Variants in SPECC1L observed in about 807,000 individuals in gnomAD.
SPECC1L encodes the protein sperm antigen with calponin homology and coiled-coil domains 1 like, also known as cytospin-A.
Under a neutral mutation model 116.8 loss-of-function variants are expected in SPECC1L, and 40 were observed. That is an observed-to-expected ratio of 0.34 (90% confidence interval 0.27 to 0.45). The LOEUF (loss-of-function observed/expected upper bound fraction) is 0.45, where lower values mean the gene tolerates loss of function less well. SPECC1L is among the 20% of genes least tolerant of loss of function. The pLI is 1.00. For missense variants in SPECC1L, 1,110 were observed against 1,373.6 expected, an observed-to-expected ratio of 0.81 and a Z score of 3.03; for synonymous variants, 504 against 500.6, an observed-to-expected ratio of 1.01 and a Z score of -0.09.
At chr22:24,379,688 C>T (rs192591668) in intron 14 of SPECC1L, among the ~76,000 whole-genome samples, 36 of 152,296 alleles carry the variant, frequency 2.4e-4, no homozygotes, top group Admixed American at 1.6e-3. Context: ...TCTCTGCTTT[C>T]TCATTTCCTA....
rs546636477 is a variant in SPECC1L, at chr22:24,412,409, G to C, written c.3205-239G>C. ...GCGGCAGAAGTAGGATTCTTCAGGAGTGAGGAAAGAACGGGTGTTGGTGGG... is the reference window on the plus strand; with the variant it reads ...GCGGCAGAAGTAGGATTCTTCAGGACTGAGGAAAGAACGGGTGTTGGTGGG... On this transcript the variant is annotated intron_variant, in intron 15 of 16. Coordinates refer to ENST00000314328, the MANE Select transcript of SPECC1L (RefSeq NM_015330.6). 115 of 604,976 alleles carry C rather than the reference G, an allele frequency of 1.9e-4. No individual in the cohort carries two copies. The African/African-American group carries it at 2.0e-3, about 10-fold the overall frequency. The allele number at this position is 604,976 out of a possible 1,614,324, so 37.5% of individuals were successfully genotyped here.
intron 3 of SPECC1L, among the ~76,000 whole-genome samples, chr22:24,303,796 G>A (rs772541673): frequency 6.6e-6 from 1 of 151,860 alleles, no homozygotes; most frequent in Non-Finnish European, 1.5e-5. Flanking sequence ...GCCAGCACAT[G>A]CCAGCTGTCC....
chr22:24,355,445 AC>A (rs1385595619), intron 11 of SPECC1L, among the ~76,000 whole-genome samples: 9 of 146,822 alleles, frequency 6.1e-5, no homozygotes, highest in Non-Finnish European at 1.3e-4. Flanking sequence ...CTGTCTGTCT[AC>A]CTACCTATCC....
intron 11 of SPECC1L, among the ~76,000 whole-genome samples, chr22:24,361,829 C>T (rs1024844693): frequency 3.6e-5 from 5 of 137,878 alleles, no homozygotes; most frequent in African/African-American, 1.1e-4. Context: ...AAACAAAAAA[C>T]GAGAGAGAGA....
chr22:24,290,463 CTG>C (rs2049136699), intron 2 of SPECC1L, among the ~76,000 whole-genome samples: 2 of 152,196 alleles, frequency 1.3e-5, no homozygotes, highest in Non-Finnish European at 2.9e-5. Flanking sequence ...AGTATAAAAT[CTG>C]TCTTTAAAAA....
At chr22:24,310,503 T>C (rs932559629) in intron 3 of SPECC1L, among the ~76,000 whole-genome samples, 1 of 152,194 alleles carries the variant, frequency 6.6e-6, no homozygotes, top group African/African-American at 2.4e-5. Flanking sequence ...TGTTTCCCCA[T>C]ATTCTTTCCA....
intron 14 of SPECC1L, among the ~76,000 whole-genome samples, chr22:24,370,264 A>G (rs2041847100): frequency 6.6e-6 from 1 of 152,264 alleles, no homozygotes. Flanking sequence ...AGAGCCAAGC[A>G]TATTGCAGTG....
At chr22:24,340,428 T>C (rs1601580233) in intron 10 of SPECC1L, among the ~76,000 whole-genome samples, 1 of 152,210 alleles carries the variant, frequency 6.6e-6, no homozygotes, top group Non-Finnish European at 1.5e-5. Context: ...ATTACAGGCG[T>C]GAGCCACTGT....
At chr22:24,398,675 C>G (rs1186503636) in intron 14 of SPECC1L, among the ~76,000 whole-genome samples, 2 of 152,172 alleles carry the variant, frequency 1.3e-5, no homozygotes, top group African/African-American at 4.8e-5. Flanking sequence ...ACATTCATCT[C>G]TCTGAGCCTG....
intron 14 of SPECC1L, among the ~76,000 whole-genome samples, chr22:24,371,151 G>A (rs2041863420): frequency 6.6e-6 from 1 of 152,132 alleles, no homozygotes; most frequent in Admixed American, 6.5e-5. Context: ...TAGAAAACCA[G>A]CAAGGGAATA....
chr22:24,378,988 G>T (rs148707793), intron 14 of SPECC1L, among the ~76,000 whole-genome samples: 5 of 152,192 alleles, frequency 3.3e-5, no homozygotes, highest in African/African-American at 9.6e-5. Flanking sequence ...TGTAAAAAAC[G>T]CAGGATCCAT....
chr22:24,290,944 C>T (rs1471799449), intron 2 of SPECC1L, among the ~76,000 whole-genome samples: 2 of 151,986 alleles, frequency 1.3e-5, no homozygotes, highest in Admixed American at 1.3e-4. Context: ...TTTATCAAAT[C>T]GATTGTTGAT....
chr22:24,371,850 T>C (rs1050530731), intron 14 of SPECC1L, among the ~76,000 whole-genome samples: 2 of 152,132 alleles, frequency 1.3e-5, no homozygotes. Flanking sequence ...GCCTCTCAAG[T>C]AGCTGGGATT....
At chr22:24,371,780 G>A (rs1027624828) in intron 14 of SPECC1L, among the ~76,000 whole-genome samples, 9 of 152,212 alleles carry the variant, frequency 5.9e-5, no homozygotes, top group African/African-American at 2.2e-4. Flanking sequence ...GGACTGCAGT[G>A]GTGCGACCTT....
In SPECC1L at chr22:24,376,911, G is replaced by GT. The variant is rs565394921; in HGVS notation, c.3087+7601dup. ...AAAATGTACATTTCAGTGGGTTTTT[G>GT]TTTTTTTTTTAAGTGTATTCAGAGT... On this transcript the variant is annotated intron_variant, in intron 14 of 16. Coordinates refer to ENST00000314328, the MANE Select transcript of SPECC1L (RefSeq NM_015330.6). Among the ~76,000 whole-genome samples the GT allele has an allele frequency of 9.0e-3, 1,279 of 142,562 alleles. 8 individuals carry two copies. Among genetic ancestry groups the GT allele is most frequent in the South Asian group, 0.026 (120 of 4,538 alleles). The allele number at this position is 142,562 out of a possible 152,430, so 93.5% of individuals were successfully genotyped here. A position where few individuals can be genotyped will look rare whatever the true frequency, so the allele number is the denominator to read the frequency against.
intron 4 of SPECC1L, 65 bp from the exon 5 acceptor site, chr22:24,321,223 G>A (rs1295198332): frequency 8.9e-6 from 14 of 1,568,408 alleles, no homozygotes; most frequent in Non-Finnish European, 1.1e-5. Flanking sequence ...GGCAGGAACT[G>A]TGTATTCTAT....
rs761359893 is a variant in SPECC1L at position 24,334,402 on chromosome 22, A to G, written c.2397-8A>G. On this transcript the variant is annotated splice_region_variant and splice_polypyrimidine_tract_variant and intron_variant, in intron 8 of 16. Transcript: ENST00000314328. ...GTAAAAATGCTCTGATTTCAATATT[A>G]TTTTCAGGCAAGAGGAGGAGCGAGG... 1.5e-5 allele frequency: 24 copies of G among 1,613,754 alleles called. No individual in the cohort carries two copies. In the Admixed American group the frequency reaches 4.0e-4, roughly 27 times the overall value.
chr22:24,281,955 A>T (rs962679863), intron 2 of SPECC1L, among the ~76,000 whole-genome samples: 2 of 152,234 alleles, frequency 1.3e-5, no homozygotes, highest in Admixed American at 1.3e-4. Context: ...GAGTTTTATG[A>T]TTACTCAAAT....
In SPECC1L at chr22:24,313,454, A is replaced by G; in HGVS notation, c.295A>G (p.Lys99Glu). 1 of 1,614,120 alleles carries G rather than the reference A, an allele frequency of 6.2e-7. No individual in the cohort carries two copies. The highest frequency in any genetic ancestry group is 8.5e-7 in the Non-Finnish European group (1 of 1,180,034). The change falls in exon 4 of 17, where the codon AAG becomes GAG. Residue 99 changes from lysine (K) to glutamate (E), a missense_variant. Lys to Glu is a moderately conservative substitution (Grantham distance 56). This residue lies in a region of SPECC1L where 437 missense variants were observed against 482.6 expected (regional missense o/e 0.91). Transcript: ENST00000314328. Reference protein sequence around the residue: ...PAMTTVENKSKISTGTASSTK... With the variant: ...PAMTTVENKSEISTGTASSTK... The stretch of plus-strand genomic sequence containing the variant: ...CATGACCACCGTGGAGAACAAATCC[A>G]AGATTAGCACAGGTAACGGTGACAT...
Sources: gnomAD v4.1 joint callset for allele counts (sites outside exome capture counted in the v4.1 genomes callset) on GRCh38, gnomAD v4.1.1 for gene constraint, gnomAD v4.1.1 regional missense constraint, MANE v1.5 for transcripts, NCBI Gene and HGNC (gene_info 2026-07-23, HGNC 2026-07-21) for gene names.